The following LAMA1 variants were observed in gnomAD, a reference collection of about 807,000 sequenced individuals.
The protein encoded by LAMA1 is laminin subunit alpha 1.
A neutral mutation model predicts 348.7 loss-of-function variants in LAMA1; 219 were observed. The observed-to-expected ratio is 0.63, with a 90% CI of 0.56 to 0.70. The LOEUF is 0.70. Among genes scored for constraint, LAMA1 ranks in the 30% least tolerant of loss-of-function variants. LAMA1 has a pLI of 0.00. For synonymous variants in LAMA1, 1,487 were observed against 1,491.0 expected, an observed-to-expected ratio of 1.00 and a Z score of 0.06; for missense variants, 3,744 against 3,888.0, an observed-to-expected ratio of 0.96 and a Z score of 0.99.
At chr18:7,050,615 G>A in intron 4 of LAMA1, 79 bp downstream of exon 4, 2 of 1,595,284 alleles carry the variant, frequency 1.3e-6, no homozygotes, top group Non-Finnish European at 1.7e-6. Flanking sequence ...TCTTTGTATT[G>A]AGAGAGATCA....
At chr18:6,990,006 G>A (rs141938785) in intron 36 of LAMA1, among the ~76,000 whole-genome samples, 42 of 152,336 alleles carry the variant, frequency 2.8e-4, no homozygotes, top group African/African-American at 9.1e-4. Flanking sequence ...AATTTTGCTA[G>A]AAGAAGCTAA....
In LAMA1 at chr18:7,059,475, C is replaced by T. The variant is rs75478887; in HGVS notation, c.346-8539G>A. On this transcript the variant is annotated intron_variant, in intron 3 of 62. Transcript: ENST00000389658. ...GTGTCACATAAATAAAGTAGGCACA[C>T]ATCAAACGCCACTTTCTGAAAAGGA... Among the ~76,000 whole-genome samples the T allele has an allele frequency of 0.013, 1,936 of 152,284 alleles. 109 individuals carry two copies. In the East Asian group the frequency reaches 0.2, roughly 16 times the overall value.
chr18:7,022,770 T>G (rs2057923770), intron 19 of LAMA1, among the ~76,000 whole-genome samples: 1 of 152,170 alleles, frequency 6.6e-6, no homozygotes, highest in Non-Finnish European at 1.5e-5. Flanking sequence ...GTCTTACCAT[T>G]TCCCACCCTT....
rs778652848 is a variant in LAMA1, at chr18:6,976,076, T to A, written c.6350A>T (p.Lys2117Ile). ...ATCTCTGTCTGCAGACACGGCGACT[T>A]TAATCTGTAGAAGGAAAATGAAAGT... ...SQARKQAASI[K>I]VAVSADRDCI... The change falls in exon 45 of 63, where the codon AAA (lysine) becomes ATA (isoleucine). Residue 2117 changes from lysine to isoleucine, a missense_variant. Lys to Ile is a moderately radical substitution (Grantham distance 102, BLOSUM62 -3). Transcript: ENST00000389658. The A allele has an allele frequency of 5.6e-6, 9 of 1,614,042 alleles. No individual in the cohort carries two copies. The highest frequency in any genetic ancestry group is 1.7e-4 in the Middle Eastern group (1 of 6,060).
chr18:7,034,779 G>C, intron 13 of LAMA1, 89 bp from the exon 14 acceptor site: 1 of 1,253,900 alleles, frequency 8.0e-7, no homozygotes, highest in Non-Finnish European at 1.1e-6. Flanking sequence ...CAGCAACGTG[G>C]TTTTTCATTC....
intron 12 of LAMA1, 122 bp downstream of exon 12, chr18:7,037,456 G>T: frequency 9.3e-7 from 1 of 1,070,858 alleles, no homozygotes; most frequent in South Asian, 1.3e-5. Flanking sequence ...TACAGGCTAT[G>T]AAATGCTGTC....
At chr18:7,083,176 A>AATATAT (rs1317677339) in intron 1 of LAMA1, among the ~76,000 whole-genome samples, 4 of 147,958 alleles carry the variant, frequency 2.7e-5, no homozygotes, top group African/African-American at 1.0e-4. Context: ...GGCTGTTCTA[A>AATATAT]ATATATATAT....
intron 57 of LAMA1, among the ~76,000 whole-genome samples, chr18:6,951,674 G>A (rs2057547456): frequency 6.6e-6 from 1 of 152,180 alleles, no homozygotes; most frequent in Non-Finnish European, 1.5e-5. Flanking sequence ...GGGGTGAAGC[G>A]GGTCCCATCA....
intron 3 of LAMA1, among the ~76,000 whole-genome samples, chr18:7,052,957 T>C (rs1200073963): frequency 2.0e-5 from 3 of 151,658 alleles, no homozygotes; most frequent in Non-Finnish European, 4.4e-5. Flanking sequence ...GAGGCGGAGG[T>C]TGTAGTGAGC....
chr18:7,064,246 T>G (rs114823139), intron 3 of LAMA1, among the ~76,000 whole-genome samples: 2,142 of 152,146 alleles, frequency 0.014, 44 homozygotes, highest in African/African-American at 0.049. Context: ...ATGGTAAATT[T>G]TATGATATGC....
intron 30 of LAMA1, among the ~76,000 whole-genome samples, chr18:7,000,270 T>C (rs1021680104): frequency 9.2e-5 from 14 of 152,246 alleles, no homozygotes; most frequent in African/African-American, 3.4e-4. Context: ...CCTTAGGGAT[T>C]ATCACTAATT....
At chr18:7,077,814 T>C (rs8095617) in intron 3 of LAMA1, among the ~76,000 whole-genome samples, 21,400 of 151,838 alleles carry the variant, frequency 0.14, 4,160 homozygotes, top group African/African-American at 0.44. Context: ...ACCACTGAGA[T>C]AAACACAAAG....
chr18:7,107,219 C>T (rs1052612233), intron 1 of LAMA1, among the ~76,000 whole-genome samples: 3 of 151,062 alleles, frequency 2.0e-5, no homozygotes, highest in South Asian at 2.1e-4. Context: ...GCCGGGTTCA[C>T]GCCATTCTCC....
At chr18:7,073,076 C>A (rs1568055889) in intron 3 of LAMA1, among the ~76,000 whole-genome samples, 3 of 152,162 alleles carry the variant, frequency 2.0e-5, no homozygotes, top group African/African-American at 7.2e-5. Flanking sequence ...GCCTCCTCCA[C>A]CACTACTACC....
chr18:6,983,259 C>A (rs568978743), intron 39 of LAMA1, 25 bp from the exon 40 acceptor site: 12 of 1,613,744 alleles, frequency 7.4e-6, no homozygotes, highest in South Asian at 1.1e-5. Context: ...TATTTAGATA[C>A]GTTATGATAA....
chr18:7,075,374 G>T (rs889687189), intron 3 of LAMA1, among the ~76,000 whole-genome samples: 3 of 152,110 alleles, frequency 2.0e-5, no homozygotes, highest in Non-Finnish European at 4.4e-5. Flanking sequence ...TGTGATCCCG[G>T]CATTTTGGGA....
rs753549035 is a variant in LAMA1 at position 6,961,987 on chromosome 18, T to A, written c.7410A>T (p.Leu2470Phe). ...NLEISRSTFD[L>F]LRNSYGVRKG... ...TTCTCACTCCATAGGAATTTCTGAGTAAGTCAAAGGTTGATCTGGATATTT... is the reference window on the plus strand; with the variant it reads ...TTCTCACTCCATAGGAATTTCTGAGAAAGTCAAAGGTTGATCTGGATATTT... Residue 2470 changes from leucine (L) to phenylalanine (F), a missense_variant, in exon 52 of 63, where the codon TTA becomes TTT. Around this residue, in one of 3 missense-constraint regions of LAMA1, gnomAD observed 1,983 missense variants for 1,934.3 expected, o/e 1.03. Coordinates refer to ENST00000389658, the MANE Select transcript of LAMA1 (RefSeq NM_005559.4). 1.9e-6 allele frequency: 3 copies of A among 1,614,038 alleles called. No individual in the cohort carries two copies. The highest frequency in any genetic ancestry group is 2.5e-6 in the Non-Finnish European group (3 of 1,180,036).
In LAMA1 at chr18:7,043,251, A is replaced by G; in HGVS notation, c.1131T>C (p.Ile377=). The change falls in exon 8 of 63, where the codon ATT becomes ATC. Residue 377 remains isoleucine, a synonymous_variant. Transcript: ENST00000389658. ...NTMGINCETC[I]DGYYRPHKVS... is the part of the protein sequence containing the mutation. ...CTTTGTGTGGTCTATAATATCCATC[A>G]ATACAGGTTTCACAGTTGATTCCCA... 1 of 1,614,174 alleles carries G rather than the reference A, an allele frequency of 6.2e-7. No homozygotes were observed. Among genetic ancestry groups the G allele is most frequent in the Non-Finnish European group, 8.5e-7 (1 of 1,180,024 alleles).
intron 36 of LAMA1, among the ~76,000 whole-genome samples, chr18:6,988,808 T>TAAAAAAAAAAAA (rs1169877701): frequency 1.0e-5 from 1 of 100,466 alleles, no homozygotes; most frequent in Non-Finnish European, 1.9e-5. Flanking sequence ...TCCGTCTCAA[T>TAAAAAAAAAAAA]AAAAAAAAAA....
Sources: gnomAD v4.1 joint callset for allele counts (sites outside exome capture counted in the v4.1 genomes callset) on GRCh38, gnomAD v4.1.1 for gene constraint, gnomAD v4.1.1 regional missense constraint, MANE v1.5 for transcripts, NCBI Gene and HGNC (gene_info 2026-07-23, HGNC 2026-07-21) for gene names.